Variants in RUNX2 observed in about 807,000 individuals in gnomAD.
RUNX2 encodes the protein runt-related transcription factor 2.
Under a neutral mutation model 51.7 loss-of-function variants are expected in RUNX2, and 10 were observed. The observed-to-expected ratio is 0.19, with a 90% CI of 0.12 to 0.33. RUNX2 has a LOEUF of 0.33. Ranked by LOEUF, RUNX2 falls within the 10% of genes least tolerant of loss-of-function variation. RUNX2 has a pLI of 1.00. For missense variants in RUNX2, 562 were observed against 691.3 expected, an observed-to-expected ratio of 0.81 and a Z score of 2.10; for synonymous variants, 276 against 273.6, an observed-to-expected ratio of 1.01 and a Z score of -0.09.
chr6:45,347,614 T>C (rs1159284734), intron 2 of RUNX2, among the ~76,000 whole-genome samples: 1 of 152,134 alleles, frequency 6.6e-6, no homozygotes, highest in Non-Finnish European at 1.5e-5. Flanking sequence ...TTGGGGTCTG[T>C]CTGCAAAAGC....
rs137970771 is a variant in RUNX2, at chr6:45,395,796, C to A, written c.59-26797C>A. On this transcript the variant is annotated intron_variant, in intron 2 of 8. Coordinates refer to ENST00000647337, the MANE Select transcript of RUNX2 (RefSeq NM_001024630.4). The stretch of plus-strand genomic sequence containing the variant: ...AATCATGCCTCAGCCTCCCAAATAG[C>A]TGGGATTACAGGCATGTGACACGAC... Among the ~76,000 whole-genome samples the A allele has an allele frequency of 7.4e-4, 113 of 152,274 alleles. 4 individuals are homozygous for A. In the East Asian group the frequency reaches 0.021, roughly 29 times the overall value.
At chr6:45,490,942 C>A (rs1021851980) in intron 5 of RUNX2, among the ~76,000 whole-genome samples, 1 of 152,142 alleles carries the variant, frequency 6.6e-6, no homozygotes, top group Non-Finnish European at 1.5e-5. Context: ...CCCAATAGCA[C>A]CACCCTATAG....
intron 5 of RUNX2, among the ~76,000 whole-genome samples, chr6:45,450,027 G>A: frequency 6.6e-6 from 1 of 152,170 alleles, no homozygotes; most frequent in East Asian, 1.9e-4. Context: ...GATAATGCTG[G>A]TACTGTTATG....
At chr6:45,470,632 C>T (rs12200887) in intron 5 of RUNX2, among the ~76,000 whole-genome samples, 6 of 152,220 alleles carry the variant, frequency 3.9e-5, no homozygotes, top group Non-Finnish European at 5.9e-5. Flanking sequence ...CCAAGATTGT[C>T]TTTTGATCAG....
intron 2 of RUNX2, among the ~76,000 whole-genome samples, chr6:45,410,281 A>G (rs1261559116): frequency 6.6e-6 from 1 of 152,210 alleles, no homozygotes; most frequent in Admixed American, 6.5e-5. Flanking sequence ...ACACGTTAGG[A>G]GTCCATTGTA....
chr6:45,473,653 T>C (rs1158241854), intron 5 of RUNX2, among the ~76,000 whole-genome samples: 1 of 152,226 alleles, frequency 6.6e-6, no homozygotes, highest in Admixed American at 6.5e-5. Flanking sequence ...CAGAATGGGT[T>C]TCACTGAAAG....
chr6:45,370,225 G>A (rs1015817043), intron 2 of RUNX2, among the ~76,000 whole-genome samples: 2 of 152,200 alleles, frequency 1.3e-5, no homozygotes, highest in Non-Finnish European at 2.9e-5. Context: ...CGGAGATGAT[G>A]AGAAGTGGTC....
intron 2 of RUNX2, among the ~76,000 whole-genome samples, chr6:45,393,459 C>G (rs145561795): frequency 5.0e-4 from 76 of 151,792 alleles, no homozygotes; most frequent in African/African-American, 1.7e-3. Flanking sequence ...GAAACGGAGT[C>G]TCGCTGCATA....
intron 6 of RUNX2, among the ~76,000 whole-genome samples, chr6:45,507,560 C>A (rs1202078213): frequency 6.6e-6 from 1 of 152,124 alleles, no homozygotes. Context: ...ATTATATTTT[C>A]TTGGTGATTG....
intron 5 of RUNX2, among the ~76,000 whole-genome samples, chr6:45,487,942 T>C (rs1405940667): frequency 3.3e-5 from 5 of 152,184 alleles, no homozygotes; most frequent in Non-Finnish European, 7.3e-5. Context: ...CTATTTTGGT[T>C]ATGGGAGGCA....
chr6:45,496,208 C>T lies in RUNX2; in HGVS notation c.859+4094C>T, dbSNP rs540398683. Among the ~76,000 whole-genome samples the T allele has an allele frequency of 2.3e-4, 35 of 152,176 alleles. 2 individuals carry two copies. Among genetic ancestry groups the T allele is most frequent in the Admixed American group, 1.3e-3 (20 of 15,286 alleles). On this transcript the variant is annotated intron_variant, in intron 6 of 8. Coordinates refer to ENST00000647337, the MANE Select transcript of RUNX2 (RefSeq NM_001024630.4). The stretch of plus-strand genomic sequence containing the variant: ...AAACTCATTATCCTCTAGATGGGTC[C>T]GCTACACCTAAAAAATAATGCTGAT...
chr6:45,370,930 C>A (rs1338195016), intron 2 of RUNX2, among the ~76,000 whole-genome samples: 2 of 152,084 alleles, frequency 1.3e-5, no homozygotes, highest in African/African-American at 2.4e-5. Flanking sequence ...AAAAAAATTT[C>A]TTTGCAAAAA....
intron 5 of RUNX2, among the ~76,000 whole-genome samples, chr6:45,457,809 G>A (rs1014202276): frequency 1.3e-5 from 2 of 152,148 alleles, no homozygotes; most frequent in African/African-American, 4.8e-5. Context: ...CTTGGCTGAT[G>A]AGAGCCTGGG....
intron 2 of RUNX2, among the ~76,000 whole-genome samples, chr6:45,379,722 C>T (rs964328873): frequency 1.3e-5 from 2 of 151,988 alleles, no homozygotes; most frequent in Non-Finnish European, 2.9e-5. Flanking sequence ...AAAAAGTATC[C>T]GGGCGTGGTG....
At chr6:45,378,106 A>G (rs919411085) in intron 2 of RUNX2, among the ~76,000 whole-genome samples, 1 of 151,986 alleles carries the variant, frequency 6.6e-6, no homozygotes, top group Admixed American at 6.5e-5. Context: ...TACTTCCGCC[A>G]CGCTCGCCGG....
intron 2 of RUNX2, among the ~76,000 whole-genome samples, chr6:45,383,009 A>G (rs918190362): frequency 1.1e-4 from 16 of 152,338 alleles, no homozygotes; most frequent in Non-Finnish European, 1.9e-4. Context: ...ATTTGCCTAC[A>G]TTAGCTGAGA....
rs575781546 is a variant in RUNX2 at position 45,450,418 on chromosome 6, T to G, written c.685+12367T>G. Among the ~76,000 whole-genome samples the G allele has an allele frequency of 2.0e-5, 3 of 152,366 alleles. No individual in the cohort carries two copies. In the South Asian group the frequency reaches 6.2e-4, roughly 32 times the overall value. ...AACATTTATTCATTCAAAAAATTAC[T>G]TTTGAGTGCTTACTGTTAGCCAGGT... On this transcript the variant is annotated intron_variant, in intron 5 of 8. Transcript: ENST00000647337.
chr6:45,434,436 A>G (rs1490350255), intron 4 of RUNX2, among the ~76,000 whole-genome samples: 1 of 152,022 alleles, frequency 6.6e-6, no homozygotes, highest in Non-Finnish European at 1.5e-5. Flanking sequence ...AGTTCCTCAA[A>G]TATTGCACTT....
chr6:45,524,219 A>G (rs1801599383), intron 7 of RUNX2, among the ~76,000 whole-genome samples: 1 of 152,182 alleles, frequency 6.6e-6, no homozygotes, highest in Non-Finnish European at 1.5e-5. Flanking sequence ...TACTGCCTAA[A>G]TTTTTTTATA....
Sources: allele counts gnomAD v4.1 joint callset (sites outside exome capture counted in the v4.1 genomes callset), GRCh38; gene constraint gnomAD v4.1.1; transcripts MANE v1.5; gene names NCBI Gene and HGNC (gene_info 2026-07-23, HGNC 2026-07-21).